Variants in RPL7 observed in about 807,000 individuals in gnomAD.
The protein encoded by RPL7 is ribosomal protein L7.
For synonymous variants in RPL7, 100 were observed against 102.2 expected (o/e 0.98, Z 0.13); for missense variants, 205 against 301.9 (o/e 0.68, Z 2.38).
At chr8:73,291,981 T>C (rs990675688) in intron 3 of RPL7, 71 bp from the exon 4 acceptor site, 1 of 1,565,274 alleles carries the variant, frequency 6.4e-7, no homozygotes, top group East Asian at 2.3e-5. Flanking sequence ...CCATTATAGT[T>C]TTGAATATCG....
At chr8:73,290,808 C>A in intron 6 of RPL7, 103 bp from the exon 7 acceptor site, 1 of 473,334 alleles carries the variant, frequency 2.1e-6, no homozygotes, top group Non-Finnish European at 3.8e-6. Context: ...TTTTTAAGAC[C>A]ACCCAATTTC....
intron 6 of RPL7, 136 bp downstream of exon 6, chr8:73,290,907 T>G: frequency 1.5e-6 from 1 of 678,676 alleles, no homozygotes. Flanking sequence ...ATCATTAAGA[T>G]AGTTGACCCC....
chr8:73,292,874 T>C (rs74460527), intron 1 of RPL7, 77 bp from the exon 2 acceptor site: 17,097 of 1,056,768 alleles, frequency 0.016, 180 homozygotes, highest in Non-Finnish European at 0.019. Flanking sequence ...CTGAGCAGTG[T>C]TGTTTACCAG....
At chr8:73,294,098 C>G (rs1332791471), upstream of RPL7, 2 of 157,914 alleles carry the variant, frequency 1.3e-5, no homozygotes, top group Non-Finnish European at 2.8e-5. Context: ...AAACGGCTAG[C>G]TGCAATTCGA....
At chr8:73,292,666 A>T in intron 2 of RPL7, 23 bp downstream of exon 2, 2 of 1,558,886 alleles carry the variant, frequency 1.3e-6, no homozygotes, top group Non-Finnish European at 1.8e-6. Flanking sequence ...CTTATGTGCT[A>T]GTGCCTCAAA....
rs184435467 is a variant in RPL7, at chr8:73,291,276, G to A, written c.539-24C>T. 3.5e-4 allele frequency: 551 copies of A among 1,564,278 alleles called. 1 individual carries two copies. The African/African-American group carries it at 5.2e-3, about 15-fold the overall frequency. On this transcript the variant is annotated intron_variant, in intron 5 of 6. Transcript: ENST00000352983. Reference sequence around the variant, plus strand: ...ACCTAAATATTTTAAGGTTATTTAAGATTATTAAAGTTGCAAAAAGTTTTG... The same window carrying A: ...ACCTAAATATTTTAAGGTTATTTAAAATTATTAAAGTTGCAAAAAGTTTTG...
intron 6 of RPL7, 38 bp from the exon 7 acceptor site, chr8:73,290,743 G>A (rs1270224999): frequency 2.5e-5 from 7 of 281,384 alleles, no homozygotes; most frequent in Non-Finnish European, 4.0e-5. Context: ...AAACACTTTA[G>A]GCAGCTAACA....
At chr8:73,293,047 A>T in intron 1 of RPL7, 1 of 375,684 alleles carries the variant, frequency 2.7e-6, no homozygotes, top group Non-Finnish European at 4.7e-6. Context: ...ATTTCAACCA[A>T]GAGGCCCGGC....
chr8:73,293,311 C>A, intron 1 of RPL7: 2 of 455,926 alleles, frequency 4.4e-6, no homozygotes, highest in Non-Finnish European at 4.0e-6. Context: ...AGAGGTTCTG[C>A]GCCTCCCCCG....
At position 73,291,906 on chromosome 8, in the gene RPL7, T is replaced by A; in HGVS notation, c.295A>T (p.Asn99Tyr). 1 of 1,612,076 alleles carries A rather than the reference T, an allele frequency of 6.2e-7. No homozygotes were observed. The highest frequency in any genetic ancestry group is 8.5e-7 in the Non-Finnish European group (1 of 1,178,198). ...LAFVIRIRGI[N>Y]GVSPKVRKVL... ...TTTCGAACCTTTGGGCTCACTCCAT[T>A]GATACTGTGGTGAAAACGGACCAGA... The change falls in exon 4 of 7, where the codon AAT (asparagine) becomes TAT (tyrosine). Residue 99 changes from asparagine to tyrosine, a missense_variant. Physicochemically the swap from Asn to Tyr is moderately radical, Grantham distance 143. Transcript: ENST00000352983.
chr8:73,293,642 G>T, upstream of RPL7: 5 of 1,613,140 alleles, frequency 3.1e-6, no homozygotes, highest in Non-Finnish European at 4.2e-6. Flanking sequence ...GGAAGTTGGC[G>T]CATGCGTACT....
At chr8:73,291,701 T>G (rs1481614213) in intron 4 of RPL7, 40 bp from the exon 5 acceptor site, 1 of 1,590,748 alleles carries the variant, frequency 6.3e-7, no homozygotes, top group Admixed American at 1.7e-5. Context: ...TGACCACTGT[T>G]AAAACATCTA....
At chr8:73,292,590 A>T in intron 2 of RPL7, 99 bp downstream of exon 2, 1 of 1,064,532 alleles carries the variant, frequency 9.4e-7, no homozygotes, top group Non-Finnish European at 1.4e-6. Context: ...GCAATTACTC[A>T]GTACAGTTAG....
chr8:73,292,486 CAT>C (rs1018508264), intron 2 of RPL7, 81 bp from the exon 3 acceptor site: 6 of 1,324,980 alleles, frequency 4.5e-6, no homozygotes, highest in African/African-American at 2.9e-5. Context: ...AAAACTACAA[CAT>C]GTTTCCTTTA....
At chr8:73,292,041 T>C in intron 3 of RPL7, 131 bp from the exon 4 acceptor site, 1 of 1,299,730 alleles carries the variant, frequency 7.7e-7, no homozygotes, top group Non-Finnish European at 1.1e-6. Flanking sequence ...ACTGAATTTC[T>C]GTATTCTATT....
In RPL7 at chr8:73,291,757, G is replaced by A. The variant is rs1814102067; in HGVS notation, c.428+16C>T. On this transcript the variant is annotated intron_variant, in intron 4 of 6. Coordinates refer to ENST00000352983, the MANE Select transcript of RPL7 (RefSeq NM_000971.4). Reference sequence around the variant, plus strand: ...CCAATTTATCAAATAGAAATCAAAGGAGAAAAGAGACTTACCCCCATGCAA... The same window carrying A: ...CCAATTTATCAAATAGAAATCAAAGAAGAAAAGAGACTTACCCCCATGCAA... 1.3e-6 allele frequency: 2 copies of A among 1,596,344 alleles called. No homozygotes were observed. The highest frequency in any genetic ancestry group is 1.7e-5 in the Admixed American group (1 of 59,576).
intron 3 of RPL7, 58 bp downstream of exon 3, chr8:73,292,181 T>C (rs1235645017): frequency 4.9e-6 from 7 of 1,437,862 alleles, no homozygotes; most frequent in African/African-American, 4.6e-5. Flanking sequence ...CCAGAAGTAA[T>C]GTGAAGGTTT....
chr8:73,293,480 C>CA, intron 1 of RPL7, 119 bp downstream of exon 1: 1 of 1,292,504 alleles, frequency 7.7e-7, no homozygotes, highest in Non-Finnish European at 1.1e-6. Context: ...ACAGCGTTCA[C>CA]AATCAAGCAG....
At position 73,292,528 on chromosome 8, in the gene RPL7, A is replaced by C. The variant is rs1814127071; in HGVS notation, c.124-123T>G. On this transcript the variant is annotated intron_variant, in intron 2 of 6. Coordinates refer to ENST00000352983, the MANE Select transcript of RPL7 (RefSeq NM_000971.4). ...TTTTCTTGCCACAGTATGCAATTAC[A>C]TCCCCCACCAAAAAACCCCACTACC... The C allele has an allele frequency of 3.7e-6, 4 of 1,080,262 alleles. No homozygotes were observed. In the South Asian group the frequency reaches 4.7e-5, roughly 13 times the overall value. The allele number at this position is 1,080,262 out of a possible 1,614,324, so 66.9% of individuals were successfully genotyped here. A position where few individuals can be genotyped will look rare whatever the true frequency, so the allele number is the denominator to read the frequency against.
Sources: allele counts gnomAD v4.1 joint callset, GRCh38; gene constraint gnomAD v4.1.1; transcripts MANE v1.5; gene names NCBI Gene and HGNC (gene_info 2026-07-23, HGNC 2026-07-21).